ERBB4: variants seen among roughly 807,000 people sequenced by gnomAD.
ERBB4 encodes the protein receptor tyrosine-protein kinase erbB-4.
A neutral mutation model predicts 158.0 loss-of-function variants in ERBB4; 42 were observed. The observed-to-expected ratio is 0.27, with a 90% CI of 0.21 to 0.34. ERBB4 has a LOEUF of 0.34. Ranked by LOEUF, ERBB4 falls within the 10% of genes least tolerant of loss-of-function variation. The probability of loss-of-function intolerance (pLI) is 1.00; values close to 1 mark genes in which losing one functional copy is unlikely to be tolerated. For missense variants in ERBB4, 1,333 were observed against 1,624.1 expected (o/e 0.82, Z 3.08); for synonymous variants, 583 against 558.7 (o/e 1.04, Z -0.61).
intron 3 of ERBB4, among the ~76,000 whole-genome samples, chr2:211,912,619 A>T (rs1193406969): frequency 6.6e-6 from 1 of 152,194 alleles, no homozygotes; most frequent in Non-Finnish European, 1.5e-5. Context: ...GAGATATACT[A>T]ATGAAGATAA....
intron 4 of ERBB4, among the ~76,000 whole-genome samples, chr2:211,751,696 C>T (rs1447995345): frequency 1.3e-5 from 2 of 152,218 alleles, no homozygotes; most frequent in African/African-American, 2.4e-5. Flanking sequence ...TCAGATGCTC[C>T]CATCTTTCCT....
chr2:211,935,249 T>A (rs1262755229), intron 3 of ERBB4, among the ~76,000 whole-genome samples: 1 of 152,172 alleles, frequency 6.6e-6, no homozygotes, highest in African/African-American at 2.4e-5. Context: ...TCACCTTGAC[T>A]GGATTAAGAA....
At chr2:212,220,067 G>T (rs963199972) in intron 1 of ERBB4, among the ~76,000 whole-genome samples, 2 of 151,048 alleles carry the variant, frequency 1.3e-5, no homozygotes, top group African/African-American at 4.8e-5. Flanking sequence ...TAAGGATGAA[G>T]AAAATAGTTT....
chr2:212,183,681 T>C (rs1324691356), intron 1 of ERBB4, among the ~76,000 whole-genome samples: 1 of 152,152 alleles, frequency 6.6e-6, no homozygotes, highest in East Asian at 1.9e-4. Context: ...TTTATAAAAG[T>C]AGACTATACA....
chr2:211,850,993 C>A (rs1192600381), intron 3 of ERBB4, among the ~76,000 whole-genome samples: 1 of 151,904 alleles, frequency 6.6e-6, no homozygotes, highest in Non-Finnish European at 1.5e-5. Context: ...CTCTGCTCTG[C>A]CTGATAGTCA....
At chr2:211,980,636 C>G (rs1301987963) in intron 2 of ERBB4, among the ~76,000 whole-genome samples, 1 of 152,094 alleles carries the variant, frequency 6.6e-6, no homozygotes, top group Non-Finnish European at 1.5e-5. Flanking sequence ...TATAGATGCT[C>G]TATTTCACCA....
At chr2:211,573,232 C>T (rs935168699) in intron 19 of ERBB4, among the ~76,000 whole-genome samples, 1 of 152,118 alleles carries the variant, frequency 6.6e-6, no homozygotes, top group African/African-American at 2.4e-5. Context: ...TAGCCACCCG[C>T]AGCTGGAGGA....
At chr2:211,535,693 G>A (rs2066631360) in intron 20 of ERBB4, 1 of 152,802 alleles carries the variant, frequency 6.5e-6, no homozygotes, top group African/African-American at 2.4e-5. Context: ...GATCTCGTCT[G>A]ATCTCGGAAA....
At chr2:211,571,101 G>A (rs2125744905) in intron 19 of ERBB4, among the ~76,000 whole-genome samples, 1 of 132,418 alleles carries the variant, frequency 7.6e-6, no homozygotes, top group Non-Finnish European at 1.5e-5. Flanking sequence ...GGAATGCAGT[G>A]GCACAATCTC....
At chr2:212,091,280 T>C (rs1393219857) in intron 2 of ERBB4, among the ~76,000 whole-genome samples, 4 of 152,070 alleles carry the variant, frequency 2.6e-5, no homozygotes, top group Non-Finnish European at 5.9e-5. Context: ...AATTCAAGTA[T>C]AGATTTATAG....
rs186380120 is a variant in ERBB4 at position 211,658,129 on chromosome 2, G to A, written c.1872-301C>T. 15 of 592,322 alleles carry A rather than the reference G, an allele frequency of 2.5e-5. No individual in the cohort carries two copies. The East Asian group carries it at 2.8e-4, about 11-fold the overall frequency. 36.7% of individuals were successfully genotyped at this position (592,322 alleles called of 1,614,324 possible). On this transcript the variant is annotated intron_variant, in intron 15 of 27. Transcript: ENST00000342788. ...TGGAACACAATGAATTTCAAGCCAG[G>A]AAGATTTTTGCTTGATGAATACACA... is the stretch of plus-strand genomic sequence containing the variant.
At chr2:212,158,924 T>C (rs2081120989) in intron 1 of ERBB4, among the ~76,000 whole-genome samples, 1 of 151,998 alleles carries the variant, frequency 6.6e-6, no homozygotes, top group Non-Finnish European at 1.5e-5. Context: ...AGAATATTAA[T>C]GTAGGGGAAA....
chr2:212,503,733 C>T (rs1021762312), intron 1 of ERBB4, among the ~76,000 whole-genome samples: 3 of 152,252 alleles, frequency 2.0e-5, no homozygotes, highest in Non-Finnish European at 2.9e-5. Flanking sequence ...TTGTAGAAAA[C>T]ACAAAGCATT....
At chr2:212,109,837 C>T (rs760000860) in intron 2 of ERBB4, among the ~76,000 whole-genome samples, 8 of 152,060 alleles carry the variant, frequency 5.3e-5, no homozygotes, top group Non-Finnish European at 8.8e-5. Flanking sequence ...GTGACGTTTC[C>T]CTTTCTGTAA....
intron 1 of ERBB4, among the ~76,000 whole-genome samples, chr2:212,455,062 T>C (rs1443009017): frequency 6.6e-6 from 1 of 152,194 alleles, no homozygotes; most frequent in Non-Finnish European, 1.5e-5. Context: ...TCGTGAGAAA[T>C]TCTCCATCTT....
At chr2:212,050,684 A>ATTATC (rs2077376091) in intron 2 of ERBB4, among the ~76,000 whole-genome samples, 1 of 152,222 alleles carries the variant, frequency 6.6e-6, no homozygotes, top group African/African-American at 2.4e-5. Context: ...TACTGTCTTA[A>ATTATC]TTATCTGTGC....
chr2:211,929,542 C>T (rs559367729), intron 3 of ERBB4, among the ~76,000 whole-genome samples: 119 of 152,242 alleles, frequency 7.8e-4, no homozygotes, highest in African/African-American at 2.6e-3. Context: ...TTTCCCATGA[C>T]ACACACCATG....
intron 5 of ERBB4, among the ~76,000 whole-genome samples, chr2:211,734,934 C>A (rs10932394): frequency 7.4e-6 from 1 of 134,536 alleles, no homozygotes; most frequent in Non-Finnish European, 1.5e-5. Context: ...AAAAAAAAGA[C>A]GGATTGTTCT....
intron 1 of ERBB4, among the ~76,000 whole-genome samples, chr2:212,324,470 G>A (rs1487580765): frequency 8.9e-6 from 1 of 112,478 alleles, no homozygotes; most frequent in Admixed American, 8.0e-5. Context: ...TAGGAGCAGC[G>A]GGTTTTTTGT....
Sources: gnomAD v4.1 joint callset for allele counts (sites outside exome capture counted in the v4.1 genomes callset) on GRCh38, gnomAD v4.1.1 for gene constraint, MANE v1.5 for transcripts, NCBI Gene and HGNC (gene_info 2026-07-23, HGNC 2026-07-21) for gene names.